Variants in ZNF91 observed in about 807,000 individuals in gnomAD.
ZNF91 encodes zinc finger protein 91.
A neutral mutation model predicts 12.6 loss-of-function variants in ZNF91; 7 were observed. The ratio of observed to expected loss-of-function variants is 0.55; its 90% CI spans 0.31 to 1.04. The LOEUF (loss-of-function observed/expected upper bound fraction) is 1.04, where lower values mean the gene tolerates loss of function less well. ZNF91 is among the 50% of genes least tolerant of loss of function. ZNF91 has a pLI of 0.05. For missense variants in ZNF91, 1,217 were observed against 1,385.4 expected, an observed-to-expected ratio of 0.88 and a Z score of 1.93; for synonymous variants, 453 against 462.6, an observed-to-expected ratio of 0.98 and a Z score of 0.27.
At chr19:23,331,628 T>A (rs917084703) in intron 1 of ZNF91, among the ~76,000 whole-genome samples, 7 of 152,346 alleles carry the variant, frequency 4.6e-5, no homozygotes, top group Admixed American at 1.3e-4. Context: ...TGGCTTTTTT[T>A]AAGCAGCTCT....
chr19:23,323,589 CCTT>C (rs1967761166), intron 1 of ZNF91, among the ~76,000 whole-genome samples: 1 of 147,352 alleles, frequency 6.8e-6, no homozygotes, highest in Non-Finnish European at 1.5e-5. Context: ...CTCCCATCCT[CCTT>C]TTCCTTCTTT....
intron 3 of ZNF91, among the ~76,000 whole-genome samples, chr19:23,346,823 C>T (rs1305981457): frequency 1.3e-5 from 2 of 152,236 alleles, no homozygotes; most frequent in East Asian, 1.9e-4. Flanking sequence ...CAATCCATAA[C>T]GTCAAAGAAA....
chr19:23,338,545 A>G (rs73565003), downstream of ZNF91: 119 of 152,292 alleles, frequency 7.8e-4, no homozygotes, highest in African/African-American at 2.7e-3. Flanking sequence ...AGAGATTGAT[A>G]TTCACCATTA....
chr19:23,323,490 T>A (rs1481745282), intron 1 of ZNF91, among the ~76,000 whole-genome samples: 2 of 125,738 alleles, frequency 1.6e-5, no homozygotes, highest in African/African-American at 7.0e-5. Context: ...GTCTTCTTCC[T>A]ATCATCCTCC....
rs150406712 is a variant in ZNF91 at position 23,364,994 on chromosome 19, A to G, written c.254-2269T>C. Among the ~76,000 whole-genome samples the G allele has an allele frequency of 2.9e-4, 44 of 152,300 alleles. No individual in the cohort carries two copies. In the East Asian group the frequency reaches 6.4e-3, roughly 22 times the overall value. On this transcript the variant is annotated intron_variant, in intron 3 of 3. Coordinates refer to ENST00000300619, the MANE Select transcript of ZNF91 (RefSeq NM_003430.4). ...TGTGTAGTGGCATACCCTAAAATAT[A>G]TAACACAAAAATATACAATTGCAAA...
At chr19:23,390,094 A>G (rs1484399948) in intron 1 of ZNF91, among the ~76,000 whole-genome samples, 1 of 152,220 alleles carries the variant, frequency 6.6e-6, no homozygotes, top group Non-Finnish European at 1.5e-5. Flanking sequence ...AGACAGGCGA[A>G]TCACCTGAGA....
At chr19:23,377,890 TAA>T (rs1228502606) in intron 1 of ZNF91, among the ~76,000 whole-genome samples, 3 of 152,220 alleles carry the variant, frequency 2.0e-5, no homozygotes, top group African/African-American at 7.2e-5. Flanking sequence ...GAGTTGATAC[TAA>T]GTGTTGAATA....
chr19:23,309,959 G>T (rs1304386383), intron 1 of ZNF91, among the ~76,000 whole-genome samples: 1 of 152,256 alleles, frequency 6.6e-6, no homozygotes, highest in East Asian at 1.9e-4. Flanking sequence ...CATGGATGCA[G>T]TCCACAGTTA....
At chr19:23,338,103 T>G (rs1381365891), downstream of ZNF91, 1 of 152,094 alleles carries the variant, frequency 6.6e-6, no homozygotes, top group Admixed American at 6.5e-5. Context: ...ATGAAAACTT[T>G]CCAACTCTAG....
chr19:23,394,197 A>G (rs1330088414), intron 1 of ZNF91, among the ~76,000 whole-genome samples: 2 of 152,134 alleles, frequency 1.3e-5, no homozygotes, highest in East Asian at 1.9e-4. Context: ...CTTGAGACAC[A>G]TGTAAAAAAT....
At chr19:23,315,536 A>T (rs1343188244), upstream of ZNF91, among the ~76,000 whole-genome samples, 1 of 151,268 alleles carries the variant, frequency 6.6e-6, no homozygotes, top group African/African-American at 2.5e-5. Context: ...CCACTGCAAC[A>T]TATCTTTGGG....
At chr19:23,387,773 C>G (rs1969922636) in intron 1 of ZNF91, among the ~76,000 whole-genome samples, 1 of 151,688 alleles carries the variant, frequency 6.6e-6, no homozygotes, top group African/African-American at 2.4e-5. Flanking sequence ...AACCCCATCT[C>G]TTCTAAAAAT....
upstream of ZNF91, among the ~76,000 whole-genome samples, chr19:23,313,422 C>A (rs148555945): frequency 5.3e-3 from 801 of 152,318 alleles, 8 homozygotes; most frequent in African/African-American, 0.018. Flanking sequence ...GCTGATGTGA[C>A]TCCTCTTCTT....
At chr19:23,305,167 A>C (rs1967381257) in intron 3 of ZNF91, 1 of 152,236 alleles carries the variant, frequency 6.6e-6, no homozygotes. Context: ...ATTCCTTTGC[A>C]CACTTTAACT....
chr19:23,327,793 T>C (rs2145866509), intron 1 of ZNF91: 1 of 152,356 alleles, frequency 6.6e-6, no homozygotes, highest in East Asian at 1.9e-4. Context: ...TTTTCTGTGA[T>C]TTGGTTGGTT....
At chr19:23,323,556 T>A (rs905165764) in intron 1 of ZNF91, among the ~76,000 whole-genome samples, 2 of 150,564 alleles carry the variant, frequency 1.3e-5, no homozygotes, top group African/African-American at 4.9e-5. Flanking sequence ...CTCCTCTTCC[T>A]TTTTCCTTTT....
At chr19:23,382,460 T>C (rs902600273) in intron 1 of ZNF91, among the ~76,000 whole-genome samples, 1 of 152,196 alleles carries the variant, frequency 6.6e-6, no homozygotes, top group Non-Finnish European at 1.5e-5. Context: ...CAGGCACTAA[T>C]AGACAGATAA....
intron 1 of ZNF91, among the ~76,000 whole-genome samples, chr19:23,331,728 T>C (rs1343661502): frequency 1.3e-5 from 2 of 152,200 alleles, no homozygotes; most frequent in Non-Finnish European, 1.5e-5. Context: ...GAGTGGATAG[T>C]GTGTGGTCAT....
At chr19:23,321,923 A>AG (rs1183441499) in intron 1 of ZNF91, among the ~76,000 whole-genome samples, 1 of 152,160 alleles carries the variant, frequency 6.6e-6, no homozygotes, top group African/African-American at 2.4e-5. Context: ...CTCTTTCTAC[A>AG]GGGGGCATTG....
Sources: allele counts gnomAD v4.1 joint callset (sites outside exome capture counted in the v4.1 genomes callset), GRCh38; gene constraint gnomAD v4.1.1; transcripts MANE v1.5; gene names NCBI Gene and HGNC (gene_info 2026-07-23, HGNC 2026-07-21).